BICD1: variants seen among roughly 807,000 people sequenced by gnomAD.
BICD1 encodes the protein protein bicaudal D homolog 1.
In BICD1, 35 loss-of-function variants were observed where a neutral mutation model predicts 92.5. The observed-to-expected ratio is 0.38, with a 90% confidence interval of 0.29 to 0.50. The LOEUF is 0.50. Ranked by LOEUF, BICD1 falls within the 20% of genes least tolerant of loss-of-function variation. The pLI, the probability that BICD1 is intolerant of heterozygous loss-of-function variation, is 0.93. For missense variants in BICD1, 950 were observed against 1,189.8 expected (o/e 0.80, Z 2.97); for synonymous variants, 429 against 465.1 (o/e 0.92, Z 1.00).
At chr12:32,334,310 T>C (rs1295130119) in intron 5 of BICD1, among the ~76,000 whole-genome samples, 2 of 152,202 alleles carry the variant, frequency 1.3e-5, no homozygotes, top group Non-Finnish European at 2.9e-5. Context: ...CTAGGGCAAT[T>C]TAACCACATT....
intron 3 of BICD1, among the ~76,000 whole-genome samples, chr12:32,300,627 CAGT>C (rs1948012496): frequency 7.9e-6 from 1 of 126,000 alleles, no homozygotes. Context: ...GATGACTTTA[CAGT>C]ATTTTTTTTT....
intron 1 of BICD1, among the ~76,000 whole-genome samples, chr12:32,119,825 C>T (rs111535570): frequency 3.3e-5 from 5 of 152,256 alleles, no homozygotes; most frequent in Non-Finnish European, 7.4e-5. Flanking sequence ...GAGCTGAGAT[C>T]GTGACACTTC....
chr12:32,207,357 G>A (rs542995042), intron 1 of BICD1, among the ~76,000 whole-genome samples: 6 of 152,024 alleles, frequency 3.9e-5, no homozygotes, highest in Admixed American at 6.6e-5. Flanking sequence ...TAAGTAATAG[G>A]CTATTGACTA....
intron 1 of BICD1, among the ~76,000 whole-genome samples, chr12:32,112,487 A>T (rs535860912): frequency 6.6e-6 from 1 of 152,160 alleles, no homozygotes; most frequent in African/African-American, 2.4e-5. Flanking sequence ...TCATCCCCTT[A>T]AATATAGTTG....
intron 1 of BICD1, among the ~76,000 whole-genome samples, chr12:32,111,247 T>G (rs1486992664): frequency 2.0e-5 from 3 of 152,198 alleles, no homozygotes; most frequent in Non-Finnish European, 4.4e-5. Context: ...AAGAAGCACT[T>G]TCTGGACATT....
In BICD1 at chr12:32,107,344, G is replaced by C; in HGVS notation, c.13G>C (p.Glu5Gln). 1 of 1,604,856 alleles carries C rather than the reference G, an allele frequency of 6.2e-7. No individual in the cohort carries two copies. The highest frequency in any genetic ancestry group is 1.1e-5 in the South Asian group (1 of 88,878). The part of the protein sequence containing the change: MAAE[E>Q]VLQTVDHYKT... ...ATCCACCGGGGCTATGGCCGCAGAA[G>C]AGGTATTGCAGACGGTGGACCATTA... The change falls in exon 1 of 10, where the codon GAG (glutamate) becomes CAG (glutamine). Residue 5 changes from glutamate (E) to glutamine (Q), a missense_variant. By Grantham distance (29) the Glu-to-Gln change is conservative (BLOSUM62 2). Around this residue, in one of 5 missense-constraint regions of BICD1, gnomAD observed 202 missense variants for 205.3 expected, o/e 0.98. Transcript: ENST00000652176.
chr12:32,381,076 ATTCTT>A lies in BICD1; in HGVS notation c.*3452_*3456del, dbSNP rs1940160167. 1 of 152,072 alleles carries A rather than the reference ATTCTT, an allele frequency of 6.6e-6. No individual in the cohort carries two copies. Among genetic ancestry groups the A allele is most frequent in the Non-Finnish European group, 1.5e-5 (1 of 67,946 alleles). 9.4% of individuals were successfully genotyped at this position (152,072 alleles called of 1,614,324 possible). Reference sequence around the variant, plus strand: ...AGTTCTGGGAGCTCATAATCCTGTGATTCTTTTATTTTAAGTTTTAAAATACATTA... The same window carrying A: ...AGTTCTGGGAGCTCATAATCCTGTGATTATTTTAAGTTTTAAAATACATTA... On this transcript the variant is annotated 3_prime_UTR_variant, in exon 10 of 10. Transcript: ENST00000652176.
At chr12:32,130,152 A>C (rs995032026) in intron 1 of BICD1, among the ~76,000 whole-genome samples, 1 of 152,138 alleles carries the variant, frequency 6.6e-6, no homozygotes, top group African/African-American at 2.4e-5. Context: ...AAGGAAGTTT[A>C]CTTTTTTTCC....
At chr12:32,371,486 A>T (rs887601052) in intron 9 of BICD1, among the ~76,000 whole-genome samples, 1 of 152,156 alleles carries the variant, frequency 6.6e-6, no homozygotes, top group Admixed American at 6.5e-5. Context: ...TTCTTTACAC[A>T]TATTAAACAT....
intron 2 of BICD1, among the ~76,000 whole-genome samples, chr12:32,272,185 T>C (rs1464935426): frequency 6.6e-6 from 1 of 152,212 alleles, no homozygotes; most frequent in African/African-American, 2.4e-5. Context: ...TACATGTTGC[T>C]CCTGGACAAA....
At chr12:32,326,453 C>T (rs548448804) in intron 4 of BICD1, among the ~76,000 whole-genome samples, 4 of 152,118 alleles carry the variant, frequency 2.6e-5, no homozygotes, top group African/African-American at 7.2e-5. Flanking sequence ...TTTCATCACA[C>T]GGTAATACTT....
At chr12:32,177,316 A>G (rs928056818) in intron 1 of BICD1, among the ~76,000 whole-genome samples, 1 of 128,864 alleles carries the variant, frequency 7.8e-6, no homozygotes, top group Admixed American at 7.4e-5. Context: ...CTCAGTCTCA[A>G]AAAAAAAAAA....
chr12:32,293,869 A>G, intron 2 of BICD1, 125 bp from the exon 3 acceptor site: 1 of 985,118 alleles, frequency 1.0e-6, no homozygotes, highest in South Asian at 1.8e-5. Context: ...GCCATTCGAA[A>G]AAATGCAGTA....
intron 8 of BICD1, among the ~76,000 whole-genome samples, chr12:32,360,907 G>A (rs182853531): frequency 3.9e-5 from 6 of 152,214 alleles, no homozygotes; most frequent in East Asian, 1.9e-4. Flanking sequence ...AGGAAGAGGC[G>A]AAATATTTCA....
chr12:32,135,902 C>T (rs1213632490), intron 1 of BICD1, among the ~76,000 whole-genome samples: 4 of 137,062 alleles, frequency 2.9e-5, no homozygotes, highest in African/African-American at 5.0e-5. Context: ...TGGAGAGGGA[C>T]AAAGGAGAGG....
intron 2 of BICD1, among the ~76,000 whole-genome samples, chr12:32,219,974 G>A (rs1048877587): frequency 1.3e-5 from 2 of 152,096 alleles, no homozygotes; most frequent in Non-Finnish European, 2.9e-5. Context: ...ACAAACCTGA[G>A]AAAAACAAGC....
intron 1 of BICD1, among the ~76,000 whole-genome samples, chr12:32,183,741 AG>A: frequency 6.6e-6 from 1 of 152,352 alleles, no homozygotes; most frequent in East Asian, 1.9e-4. Context: ...GTGTATTCAG[AG>A]TTCCCAGCTA....
chr12:32,181,984 C>T (rs1944284381), intron 1 of BICD1, among the ~76,000 whole-genome samples: 2 of 151,972 alleles, frequency 1.3e-5, no homozygotes, highest in Non-Finnish European at 2.9e-5. Flanking sequence ...AAGATGCATT[C>T]TGTTTACAAA....
intron 1 of BICD1, among the ~76,000 whole-genome samples, chr12:32,127,171 T>TTTTTTC (rs1783473614): frequency 1.3e-5 from 2 of 152,220 alleles, no homozygotes; most frequent in Non-Finnish European, 2.9e-5. Context: ...TTAGTTGATT[T>TTTTTTC]ATCACTCTTT....
Sources: allele counts gnomAD v4.1 joint callset (sites outside exome capture counted in the v4.1 genomes callset), GRCh38; gene constraint gnomAD v4.1.1; regional missense constraint gnomAD v4.1.1; transcripts MANE v1.5; gene names NCBI Gene and HGNC (gene_info 2026-07-23, HGNC 2026-07-21).